FAM168B: variants seen among roughly 807,000 people sequenced by gnomAD.
The protein encoded by FAM168B is family with sequence similarity 168 member B.
In FAM168B, 19 loss-of-function variants were observed where a neutral mutation model predicts 21.8. The observed-to-expected ratio is 0.87, with a 90% CI of 0.61 to 1.28. The LOEUF is 1.28. Among genes scored for constraint, FAM168B ranks in the 50% most tolerant of loss-of-function variants. The probability of loss-of-function intolerance (pLI) is 0.00; values close to 1 mark genes in which losing one functional copy is unlikely to be tolerated. For synonymous variants in FAM168B, 126 were observed against 104.8 expected (o/e 1.20, Z -1.24); for missense variants, 233 against 263.1 (o/e 0.89, Z 0.79).
At position 131,087,423 on chromosome 2, in the gene FAM168B, G is replaced by C. The variant is rs867798057; in HGVS notation, c.-11-4766C>G. Among the ~76,000 whole-genome samples, 4 of 152,212 alleles carry C rather than the reference G, an allele frequency of 2.6e-5. No homozygotes were observed. The South Asian group carries it at 8.3e-4, about 32-fold the overall frequency. The stretch of plus-strand genomic sequence containing the variant: ...GGAGGCAGAGGTTGCAGTGAGCTGA[G>C]ATCGTGCCACTGCACTCCAGCCTGG... On this transcript the variant is annotated intron_variant, in intron 1 of 6. Coordinates refer to ENST00000389915, the MANE Select transcript of FAM168B (RefSeq NM_001009993.4).
rs1573739932 is a variant in FAM168B, at chr2:131,051,425, T to C, written c.*1040A>G. On this transcript the variant is annotated 3_prime_UTR_variant, in exon 7 of 7. Coordinates refer to ENST00000389915, the MANE Select transcript of FAM168B (RefSeq NM_001009993.4). ...ATACAGCTGAAACCTTTGCCCTTCT[T>C]TGTTGGGGAAAAACAGCAATGCCTA... 1 of 985,268 alleles carries C rather than the reference T, an allele frequency of 1.0e-6. No homozygotes were observed. The highest frequency in any genetic ancestry group is 1.2e-6 in the Non-Finnish European group (1 of 829,902). The allele number at this position is 985,268 out of a possible 1,614,324, so 61.0% of individuals were successfully genotyped here.
chr2:131,050,825 A>C lies in FAM168B; in HGVS notation c.*1640T>G. 5.1e-6 allele frequency: 5 copies of C among 985,334 alleles called. No individual in the cohort carries two copies. In the South Asian group the frequency reaches 2.3e-4, roughly 46 times the overall value. The allele number at this position is 985,334 out of a possible 1,614,324, so 61.0% of individuals were successfully genotyped here. A position where few individuals can be genotyped will look rare whatever the true frequency, so the allele number is the denominator to read the frequency against. On this transcript the variant is annotated 3_prime_UTR_variant, in exon 7 of 7. Coordinates refer to ENST00000389915, the MANE Select transcript of FAM168B (RefSeq NM_001009993.4). The stretch of plus-strand genomic sequence containing the variant: ...TGAAGAGGAGCAGAGCCCCCTCCCC[A>C]CCAGAGCCCACAGCACTCAAACCAC...
In FAM168B at chr2:131,071,924, C is replaced by G; in HGVS notation, c.85G>C (p.Gly29Arg). The G allele has an allele frequency of 6.2e-7, 1 of 1,613,966 alleles. No homozygotes were observed. The highest frequency in any genetic ancestry group is 1.1e-5 in the South Asian group (1 of 91,076). The change falls in exon 3 of 7, where the codon GGC becomes CGC. Residue 29 changes from glycine to arginine, a missense_variant. Physicochemically the swap from Gly to Arg is moderately radical, Grantham distance 125. Transcript: ENST00000389915. ...GIGYPAGFPM[G>R]YAAAAPAYSP... is the part of the protein sequence containing the mutation. ...TAGGCAGGAGCTGCTGCTGCATAGC[C>G]CATGGGAAAACCAGCTGAAGAAAAA...
chr2:131,076,505 T>C (rs1170473340), intron 2 of FAM168B, among the ~76,000 whole-genome samples: 1 of 151,728 alleles, frequency 6.6e-6, no homozygotes, highest in Admixed American at 6.6e-5. Flanking sequence ...AAAAAAAAAT[T>C]AGCCGGGTGC....
chr2:131,058,625 TACA>T (rs1009776278), intron 3 of FAM168B, among the ~76,000 whole-genome samples: 24 of 152,220 alleles, frequency 1.6e-4, no homozygotes, highest in African/African-American at 5.5e-4. Flanking sequence ...AAAATTTGAA[TACA>T]ACAACTTTTT....
intron 1 of FAM168B, among the ~76,000 whole-genome samples, chr2:131,087,088 G>C (rs1470960709): frequency 8.5e-6 from 1 of 118,194 alleles, no homozygotes; most frequent in African/African-American, 3.3e-5. Flanking sequence ...AAAAAAAAGA[G>C]TCACAAGAGA....
At chr2:131,086,836 C>A (rs572533056) in intron 1 of FAM168B, among the ~76,000 whole-genome samples, 2 of 95,126 alleles carry the variant, frequency 2.1e-5, no homozygotes, top group Non-Finnish European at 3.8e-5. Flanking sequence ...GAGGCCGAGG[C>A]GGGCGGATCA....
At chr2:131,074,424 G>C (rs1406696210) in intron 2 of FAM168B, among the ~76,000 whole-genome samples, 1 of 152,178 alleles carries the variant, frequency 6.6e-6, no homozygotes, top group African/African-American at 2.4e-5. Context: ...ACTGCACCTG[G>C]CCAGAAAGCG....
Position 131,055,252 on chromosome 2 carries a change from C to G in FAM168B, c.475+20G>C, listed in dbSNP as rs757876838. ...TCTAGGGTACACCATAGGACAGACA[C>G]CGCAGGAACGAGGACTTACCTGCTG... On this transcript the variant is annotated intron_variant, in intron 5 of 6. Transcript: ENST00000389915. 1.3e-6 allele frequency: 2 copies of G among 1,526,818 alleles called. No individual in the cohort carries two copies. The highest frequency in any genetic ancestry group is 1.7e-6 in the Non-Finnish European group (2 of 1,142,958). 94.6% of individuals were successfully genotyped at this position (1,526,818 alleles called of 1,614,324 possible).
intron 5 of FAM168B, among the ~76,000 whole-genome samples, chr2:131,053,857 A>G (rs950906098): frequency 1.3e-5 from 2 of 152,162 alleles, no homozygotes; most frequent in African/African-American, 4.8e-5. Flanking sequence ...CCTGGGCAAA[A>G]GGGCAAGACC....
rs74723782 is a variant in FAM168B at position 131,087,814 on chromosome 2, C to T, written c.-11-5157G>A. Among the ~76,000 whole-genome samples the T allele has an allele frequency of 6.0e-4, 91 of 152,318 alleles. No homozygotes were observed. The East Asian group carries it at 0.014, about 24-fold the overall frequency. On this transcript the variant is annotated intron_variant, in intron 1 of 6. Transcript: ENST00000389915. ...CCAAGAGAAGTGAAAACACATGCTACACCTACAGTTGGACATGAACATTTG... is the reference window on the plus strand; with the variant it reads ...CCAAGAGAAGTGAAAACACATGCTATACCTACAGTTGGACATGAACATTTG...
chr2:131,071,697 G>T (rs1269779142), intron 3 of FAM168B, among the ~76,000 whole-genome samples, 158 bp downstream of exon 3: 1 of 152,168 alleles, frequency 6.6e-6, no homozygotes, highest in East Asian at 1.9e-4. Context: ...AGTGCAGTAA[G>T]AATTAAGCTT....
chr2:131,051,742 A>C lies in FAM168B; in HGVS notation c.*723T>G. 2 of 985,398 alleles carry C rather than the reference A, an allele frequency of 2.0e-6. No homozygotes were observed. Among genetic ancestry groups the C allele is most frequent in the Non-Finnish European group, 1.2e-6 (1 of 829,924 alleles). 61.0% of individuals were successfully genotyped at this position (985,398 alleles called of 1,614,324 possible). A position where few individuals can be genotyped will look rare whatever the true frequency, so the allele number is the denominator to read the frequency against. The stretch of plus-strand genomic sequence containing the variant: ...CAAATTTCACTGGCCACACTACCAT[A>C]ATCTTTCATGATGAGCTTTAAGCAT... On this transcript the variant is annotated 3_prime_UTR_variant, in exon 7 of 7. Coordinates refer to ENST00000389915, the MANE Select transcript of FAM168B (RefSeq NM_001009993.4).
chr2:131,071,196 G>C (rs974821217), intron 3 of FAM168B, among the ~76,000 whole-genome samples: 2 of 152,188 alleles, frequency 1.3e-5, no homozygotes, highest in Admixed American at 6.6e-5. Context: ...TACTGTTGAG[G>C]GATAAAGTTG....
intron 2 of FAM168B, among the ~76,000 whole-genome samples, chr2:131,078,715 A>G (rs1297341856): frequency 6.6e-6 from 1 of 152,220 alleles, no homozygotes; most frequent in Non-Finnish European, 1.5e-5. Context: ...TAGGCCGGGC[A>G]CAGTGGCTCA....
chr2:131,068,859 T>C (rs918903022), intron 3 of FAM168B, among the ~76,000 whole-genome samples: 2 of 151,866 alleles, frequency 1.3e-5, no homozygotes, highest in African/African-American at 4.8e-5. Flanking sequence ...TACAAAAAAA[T>C]AGAAAAATTA....
Position 131,055,356 on chromosome 2 carries a change from C to T in FAM168B, c.391G>A (p.Val131Met), listed in dbSNP as rs370288982. ...GGAGGGGGGATGGGAGCAGGGTACA[C>T]CGTTGCAGGCATGCCGTTGGGCTGC... ...VVQPNGMPAT[V>M]YPAPIPPPRG... Residue 131 changes from valine to methionine, a missense_variant, in exon 5 of 7, where the codon GTG becomes ATG. Transcript: ENST00000389915. 18 of 1,596,790 alleles carry T rather than the reference C, an allele frequency of 1.1e-5. No homozygotes were observed. The South Asian group carries it at 1.7e-4, about 15-fold the overall frequency.
intron 1 of FAM168B, among the ~76,000 whole-genome samples, chr2:131,089,148 T>C (rs1693875204): frequency 6.6e-6 from 1 of 152,010 alleles, no homozygotes. Flanking sequence ...GTATTTTTAG[T>C]AGAGACGGGG....
chr2:131,090,319 C>CAAAAAA (rs1179969129), intron 1 of FAM168B, among the ~76,000 whole-genome samples: 1 of 75,208 alleles, frequency 1.3e-5, no homozygotes, highest in Non-Finnish European at 3.0e-5. Flanking sequence ...ACTCTTGTCT[C>CAAAAAA]AAAAAAAAAA....
Sources: allele counts gnomAD v4.1 joint callset (sites outside exome capture counted in the v4.1 genomes callset), GRCh38; gene constraint gnomAD v4.1.1; transcripts MANE v1.5; gene names NCBI Gene and HGNC (gene_info 2026-07-23, HGNC 2026-07-21).